Variants in PDE3A observed in about 807,000 individuals in gnomAD.
PDE3A encodes the protein phosphodiesterase 3A.
Under a neutral mutation model 98.3 loss-of-function variants are expected in PDE3A, and 43 were observed. The observed-to-expected ratio is 0.44, with a 90% CI of 0.34 to 0.56. The LOEUF (loss-of-function observed/expected upper bound fraction) is 0.56. PDE3A is among the 20% of genes least tolerant of loss of function. The probability of loss-of-function intolerance (pLI) is 0.01; values close to 1 mark genes in which losing one functional copy is unlikely to be tolerated. For missense variants in PDE3A, 1,427 were observed against 1,440.7 expected, an observed-to-expected ratio of 0.99 and a Z score of 0.15; for synonymous variants, 663 against 567.9, an observed-to-expected ratio of 1.17 and a Z score of -2.38.
intron 1 of PDE3A, among the ~76,000 whole-genome samples, chr12:20,550,487 AATT>A (rs1448615193): frequency 6.6e-6 from 1 of 152,174 alleles, no homozygotes; most frequent in African/African-American, 2.4e-5. Context: ...TTCATTAGTT[AATT>A]ATTGCTTGTG....
At chr12:20,608,613 G>C (rs1426976508) in intron 2 of PDE3A, among the ~76,000 whole-genome samples, 1 of 151,770 alleles carries the variant, frequency 6.6e-6, no homozygotes, top group Non-Finnish European at 1.5e-5. Flanking sequence ...ATTTTAAAAA[G>C]TACTTTTTAA....
chr12:20,609,514 C>A (rs1272019544), intron 2 of PDE3A, among the ~76,000 whole-genome samples: 2 of 151,938 alleles, frequency 1.3e-5, no homozygotes, highest in Non-Finnish European at 1.5e-5. Context: ...TAACTATCAA[C>A]ATCGCAATGG....
intron 1 of PDE3A, among the ~76,000 whole-genome samples, chr12:20,388,484 A>G (rs1248681824): frequency 6.6e-6 from 1 of 152,042 alleles, no homozygotes; most frequent in Non-Finnish European, 1.5e-5. Flanking sequence ...AGACGTGGCA[A>G]CAAAACTCTA....
At chr12:20,551,564 C>T (rs1191417858) in intron 1 of PDE3A, 1 of 1,500,822 alleles carries the variant, frequency 6.7e-7, no homozygotes, top group African/African-American at 1.4e-5. Context: ...TACGCGACCC[C>T]CGAGCGGGTC....
Position 20,681,866 on chromosome 12 carries a change from A to G in PDE3A, c.*1595A>G, listed in dbSNP as rs1167990313. The G allele has an allele frequency of 6.6e-6, 1 of 152,134 alleles. No homozygotes were observed. Among genetic ancestry groups the G allele is most frequent in the East Asian group, 1.9e-4 (1 of 5,192 alleles). 9.4% of individuals were successfully genotyped at this position (152,134 alleles called of 1,614,324 possible). On this transcript the variant is annotated 3_prime_UTR_variant, in exon 16 of 16. Transcript: ENST00000359062. ...TGTCATGATAGTTATCTTGATGTAA[A>G]TATGAAGATTTTTTTGTTTCTGTAG... is the stretch of plus-strand genomic sequence containing the variant.
chr12:20,392,095 T>C (rs12299410), intron 1 of PDE3A, among the ~76,000 whole-genome samples: 1 of 151,920 alleles, frequency 6.6e-6, no homozygotes, highest in African/African-American at 2.4e-5. Flanking sequence ...TAATAATCTA[T>C]AGATGTATAT....
chr12:20,574,131 A>G (rs1250832901), intron 2 of PDE3A, among the ~76,000 whole-genome samples: 1 of 152,110 alleles, frequency 6.6e-6, no homozygotes, highest in Non-Finnish European at 1.5e-5. Context: ...AGTAGAAATT[A>G]CCTCTGAATA....
intron 2 of PDE3A, chr12:20,557,225 T>G (rs1374941598): frequency 2.6e-5 from 4 of 155,632 alleles, no homozygotes; most frequent in Non-Finnish European, 5.7e-5. Flanking sequence ...TACCAGAGTG[T>G]TTTCATTGTC....
intron 2 of PDE3A, among the ~76,000 whole-genome samples, chr12:20,574,439 A>G (rs1942879270): frequency 6.6e-6 from 1 of 152,146 alleles, no homozygotes; most frequent in African/African-American, 2.4e-5. Context: ...TGAGATATTT[A>G]ACCTTTGGAA....
chr12:20,376,201 T>C (rs1341035287), intron 1 of PDE3A, among the ~76,000 whole-genome samples: 1 of 151,908 alleles, frequency 6.6e-6, no homozygotes, highest in Non-Finnish European at 1.5e-5. Context: ...AAATGCTTAA[T>C]TCTGAAAAGG....
chr12:20,475,721 A>G (rs2120985527), intron 1 of PDE3A, among the ~76,000 whole-genome samples: 1 of 151,336 alleles, frequency 6.6e-6, no homozygotes, highest in South Asian at 2.1e-4. Flanking sequence ...CACACCATAC[A>G]CACACACACA....
At position 20,370,178 on chromosome 12, in the gene PDE3A, C is replaced by T. The variant is rs776808143; in HGVS notation, c.894C>T (p.Ala298=). ...RRRRSSSVVS[A]EMSGCSSKSH... is the part of the protein sequence containing the mutation. Reference sequence around the variant, plus strand: ...GGCGGTCCAGCTCCGTCGTGTCCGCCGAGATGTCCGGCTGCAGCAGCAAGT... The same window carrying T: ...GGCGGTCCAGCTCCGTCGTGTCCGCTGAGATGTCCGGCTGCAGCAGCAAGT... Residue 298 remains alanine, a synonymous_variant, in exon 1 of 16, where the codon GCC becomes GCT. Coordinates refer to ENST00000359062, the MANE Select transcript of PDE3A (RefSeq NM_000921.5). 1 of 1,611,536 alleles carries T rather than the reference C, an allele frequency of 6.2e-7. No individual in the cohort carries two copies. Among genetic ancestry groups the T allele is most frequent in the Non-Finnish European group, 8.5e-7 (1 of 1,179,026 alleles).
At chr12:20,572,071 T>G in intron 2 of PDE3A, 1 of 1,195,122 alleles carries the variant, frequency 8.4e-7, no homozygotes, top group Non-Finnish European at 1.1e-6. Flanking sequence ...TTTAAAAAAA[T>G]GAGAATCAGT....
chr12:20,503,671 AT>A (rs1946064106), intron 1 of PDE3A, among the ~76,000 whole-genome samples: 1 of 152,004 alleles, frequency 6.6e-6, no homozygotes, highest in Non-Finnish European at 1.5e-5. Flanking sequence ...AGTTGTCCAG[AT>A]GCATGTTATT....
intron 1 of PDE3A, among the ~76,000 whole-genome samples, chr12:20,418,928 T>C (rs753168484): frequency 2.0e-5 from 3 of 152,176 alleles, no homozygotes; most frequent in Non-Finnish European, 4.4e-5. Context: ...TGTGTCATAT[T>C]TTATGTAAGT....
chr12:20,568,503 G>A (rs532846325), intron 2 of PDE3A, among the ~76,000 whole-genome samples: 2 of 151,968 alleles, frequency 1.3e-5, no homozygotes, highest in East Asian at 1.9e-4. Context: ...GGAATGAACA[G>A]TGTTATACAT....
At chr12:20,587,564 T>C (rs1047085355) in intron 2 of PDE3A, among the ~76,000 whole-genome samples, 1 of 152,194 alleles carries the variant, frequency 6.6e-6, no homozygotes, top group Non-Finnish European at 1.5e-5. Context: ...TGTTCAGTAA[T>C]TCAGAAAAAT....
intron 15 of PDE3A, among the ~76,000 whole-genome samples, chr12:20,664,678 C>A (rs955146553): frequency 6.6e-6 from 1 of 152,086 alleles, no homozygotes; most frequent in Non-Finnish European, 1.5e-5. Context: ...TTGCTTGACT[C>A]TCTCATTCTC....
At chr12:20,511,197 A>C (rs1176902517) in intron 1 of PDE3A, among the ~76,000 whole-genome samples, 3 of 152,094 alleles carry the variant, frequency 2.0e-5, no homozygotes, top group Non-Finnish European at 4.4e-5. Context: ...CAGGTGTTAA[A>C]ATATACACAT....
Sources: allele counts gnomAD v4.1 joint callset (sites outside exome capture counted in the v4.1 genomes callset), GRCh38; gene constraint gnomAD v4.1.1; transcripts MANE v1.5; gene names NCBI Gene and HGNC (gene_info 2026-07-23, HGNC 2026-07-21).